Variants in PTPRF observed in about 807,000 individuals in gnomAD.
The protein encoded by PTPRF is protein tyrosine phosphatase receptor type F.
PTPRF carries 59 observed loss-of-function variants against 201.8 expected under a neutral mutation model. The observed-to-expected ratio is 0.29, with a 90% CI of 0.24 to 0.36. The LOEUF (loss-of-function observed/expected upper bound fraction) is 0.36. PTPRF is among the 10% of genes least tolerant of loss of function. PTPRF has a pLI of 1.00. For synonymous variants in PTPRF, 1,088 were observed against 1,089.7 expected (o/e 1.00, Z 0.03); for missense variants, 2,132 against 2,690.5 (o/e 0.79, Z 4.59).
At position 43,591,828 on chromosome 1, in the gene PTPRF, G is replaced by A. The variant is rs377181230; in HGVS notation, c.1548G>A (p.Ala516=). 5.3e-5 allele frequency: 85 copies of A among 1,613,210 alleles called. No homozygotes were observed. Among genetic ancestry groups the A allele is most frequent in the Non-Finnish European group, 6.7e-5 (79 of 1,180,006 alleles). ...GTGTTGCAGTGCCTGCCCAGCCCGC[G>A]GACTTCCAGGCCGAGGTGGAGTCGG... The part of the protein sequence containing the change: ...KTQQGVPAQP[A]DFQAEVESDT... The change falls in exon 10 of 34, where the codon GCG becomes GCA. Residue 516 remains alanine (A), a synonymous_variant. Transcript: ENST00000359947.
At chr1:43,585,606 C>A (rs1241127062) in intron 7 of PTPRF, among the ~76,000 whole-genome samples, 1 of 152,178 alleles carries the variant, frequency 6.6e-6, no homozygotes, top group Non-Finnish European at 1.5e-5. Context: ...AAAATAAACA[C>A]AACTCTTCTG....
chr1:43,584,536 C>T (rs914307795), intron 7 of PTPRF, among the ~76,000 whole-genome samples: 4 of 152,148 alleles, frequency 2.6e-5, no homozygotes, highest in African/African-American at 9.7e-5. Flanking sequence ...CCTGGTCCCT[C>T]GTCCCCTCCC....
At chr1:43,610,806 G>A (rs981628193) in intron 22 of PTPRF, among the ~76,000 whole-genome samples, 8 of 152,280 alleles carry the variant, frequency 5.3e-5, no homozygotes, top group South Asian at 2.1e-4. Flanking sequence ...TAGAGGTTGC[G>A]TGAGCCAAGA....
At chr1:43,532,320 C>G (rs953753474) in intron 1 of PTPRF, among the ~76,000 whole-genome samples, 1 of 152,180 alleles carries the variant, frequency 6.6e-6, no homozygotes, top group Non-Finnish European at 1.5e-5. Context: ...GGGTGGGGAG[C>G]GCTACCTGCC....
intron 13 of PTPRF, 138 bp downstream of exon 13, chr1:43,599,051 C>A: frequency 1.1e-6 from 1 of 916,410 alleles, no homozygotes; most frequent in Non-Finnish European, 1.6e-6. Flanking sequence ...GGTTGTGAGA[C>A]CCGAGATGCT....
intron 7 of PTPRF, among the ~76,000 whole-genome samples, chr1:43,581,256 C>A (rs1486432304): frequency 6.6e-6 from 1 of 152,248 alleles, no homozygotes; most frequent in Non-Finnish European, 1.5e-5. Context: ...CTGGCTCCAT[C>A]CCCACATGCC....
In PTPRF at chr1:43,597,877, C is replaced by T. The variant is rs749626324; in HGVS notation, c.1943C>T (p.Ala648Val). ...ACCCAGTACTCCGTGGCCTACGAGGCGGTGGACGGCGAGGACCGCGGGCGG... is the reference window on the plus strand; with the variant it reads ...ACCCAGTACTCCGTGGCCTACGAGGTGGTGGACGGCGAGGACCGCGGGCGG... ...VITQYSVAYEAVDGEDRGRHV... is the reference protein window; with the variant it reads ...VITQYSVAYEVVDGEDRGRHV... The change falls in exon 12 of 34, where the codon GCG becomes GTG. Residue 648 changes from alanine (A) to valine (V), a missense_variant. Physicochemically the swap from Ala to Val is moderately conservative, Grantham distance 64. Transcript: ENST00000359947. 22 of 1,607,922 alleles carry T rather than the reference C, an allele frequency of 1.4e-5. No individual in the cohort carries two copies. The highest frequency in any genetic ancestry group is 1.7e-5 in the Non-Finnish European group (20 of 1,177,742).
chr1:43,579,869 T>C (rs1226477559), intron 7 of PTPRF: 1 of 152,214 alleles, frequency 6.6e-6, no homozygotes, highest in Non-Finnish European at 1.5e-5. Context: ...GGTCAGGAGA[T>C]CGAGACCATC....
At chr1:43,617,940 G>C in intron 25 of PTPRF, 29 bp downstream of exon 25, 1 of 1,585,986 alleles carries the variant, frequency 6.3e-7, no homozygotes. Context: ...GCCAGGAGGC[G>C]GGTGGGAAAT....
At chr1:43,613,931 C>A (rs1279179653) in intron 23 of PTPRF, among the ~76,000 whole-genome samples, 3 of 152,180 alleles carry the variant, frequency 2.0e-5, no homozygotes, top group Non-Finnish European at 4.4e-5. Flanking sequence ...TTCTTGGGGT[C>A]ACCCTTAGGA....
chr1:43,620,308 T>C (rs926239900), intron 30 of PTPRF, 87 bp downstream of exon 30: 5 of 1,568,506 alleles, frequency 3.2e-6, no homozygotes, highest in Non-Finnish European at 4.3e-6. Context: ...TGTTACTGTC[T>C]CCTTTGACAC....
At chr1:43,585,495 C>G (rs1231211587) in intron 7 of PTPRF, among the ~76,000 whole-genome samples, 1 of 152,150 alleles carries the variant, frequency 6.6e-6, no homozygotes, top group African/African-American at 2.4e-5. Context: ...GGACCTGAGG[C>G]CCTTGCTTGG....
intron 6 of PTPRF, among the ~76,000 whole-genome samples, 172 bp downstream of exon 6, chr1:43,569,950 C>T (rs1023021830): frequency 6.6e-6 from 1 of 152,174 alleles, no homozygotes; most frequent in African/African-American, 2.4e-5. Context: ...GAAGAGAGCT[C>T]GTGGTTGGCT....
chr1:43,606,098 G>A (rs1282984883), intron 19 of PTPRF, 142 bp from the exon 20 acceptor site: 2 of 836,284 alleles, frequency 2.4e-6, no homozygotes, highest in Non-Finnish European at 3.6e-6. Context: ...CTCTGTAGGG[G>A]CAGTGGGTTG....
intron 23 of PTPRF, 80 bp downstream of exon 23, chr1:43,613,795 G>A: frequency 1.6e-6 from 2 of 1,276,202 alleles, no homozygotes; most frequent in Non-Finnish European, 2.3e-6. Flanking sequence ...GGTCCCAGCT[G>A]TGGTGGGTGA....
Position 43,588,029 on chromosome 1 carries a change from T to C in PTPRF, c.680-702T>C, listed in dbSNP as rs1295989962. 2.6e-5 allele frequency among the ~76,000 whole-genome samples: 4 copies of C among 152,184 alleles called. No individual in the cohort carries two copies. The highest frequency in any genetic ancestry group is 5.9e-5 in the Non-Finnish European group (4 of 68,026). ...CTGTTCGGCGCCCTCATCATGTTACTGCCATCGTCATGCCCATCCTGCCCG... is the reference window on the plus strand; with the variant it reads ...CTGTTCGGCGCCCTCATCATGTTACCGCCATCGTCATGCCCATCCTGCCCG... On this transcript the variant is annotated intron_variant, in intron 7 of 33. Coordinates refer to ENST00000359947, the MANE Select transcript of PTPRF (RefSeq NM_002840.5). This position sits in a 1 kb window ranked among gnomAD's most constrained non-coding sequence, Gnocchi z 5.3.
At chr1:43,584,015 C>T (rs116281482) in intron 7 of PTPRF, among the ~76,000 whole-genome samples, 1 of 152,170 alleles carries the variant, frequency 6.6e-6, no homozygotes, top group African/African-American at 2.4e-5. Context: ...GCCCCTGACT[C>T]AGCCACAGGT....
chr1:43,596,108 G>A (rs918189566), intron 11 of PTPRF, among the ~76,000 whole-genome samples: 9 of 152,190 alleles, frequency 5.9e-5, no homozygotes, highest in African/African-American at 2.2e-4. Flanking sequence ...TGGTGAGAGT[G>A]TGGTAGGTGG....
chr1:43,606,734 C>G lies in PTPRF; in HGVS notation c.3703-80C>G, dbSNP rs536601859. 8.7e-4 allele frequency: 1,349 copies of G among 1,550,924 alleles called. 2 individuals are homozygous for G. Among genetic ancestry groups the G allele is most frequent in the South Asian group, 9.9e-4 (83 of 83,966 alleles). The stretch of plus-strand genomic sequence containing the variant: ...GCCCAGGGTAACCCAGACCCAGAGC[C>G]CTTTCTCCAGGATTAATAGGCAGAG... On this transcript the variant is annotated intron_variant, in intron 20 of 33. Coordinates refer to ENST00000359947, the MANE Select transcript of PTPRF (RefSeq NM_002840.5).
Sources: allele counts gnomAD v4.1 joint callset (sites outside exome capture counted in the v4.1 genomes callset), GRCh38; gene constraint gnomAD v4.1.1; non-coding constraint Gnocchi (gnomAD v3.1); transcripts MANE v1.5; gene names NCBI Gene and HGNC (gene_info 2026-07-23, HGNC 2026-07-21).